The following CUX1 variants were observed in gnomAD, a reference collection of about 807,000 sequenced individuals.
CUX1 encodes the protein cut like homeobox 1.
CUX1 carries 31 observed loss-of-function variants against 158.8 expected under a neutral mutation model. The observed-to-expected ratio is 0.20, with a 90% CI of 0.15 to 0.26. The LOEUF (loss-of-function observed/expected upper bound fraction) is 0.26. CUX1 is among the 10% of genes least tolerant of loss of function. The probability of loss-of-function intolerance (pLI) is 1.00; values close to 1 mark genes in which losing one functional copy is unlikely to be tolerated. For missense variants in CUX1, 1,589 were observed against 2,014.6 expected, an observed-to-expected ratio of 0.79 and a Z score of 4.04; for synonymous variants, 879 against 862.1, an observed-to-expected ratio of 1.02 and a Z score of -0.34.
intron 9 of CUX1, among the ~76,000 whole-genome samples, chr7:102,165,182 C>G (rs1205838968): frequency 6.6e-6 from 1 of 152,058 alleles, no homozygotes; most frequent in African/African-American, 2.4e-5. Context: ...CAGGCTGCAG[C>G]TGGCCCAAGG....
At chr7:102,216,616 TCCCCACACACACAC>T (rs1223584497) in intron 20 of CUX1, among the ~76,000 whole-genome samples, 2 of 7,972 alleles carry the variant, frequency 2.5e-4, no homozygotes, top group Admixed American at 1.7e-3. Context: ...ACACACACAC[TCCCCACACACACAC>T]CCCCACACAC....
At chr7:102,091,107 A>G (rs1828541032) in intron 4 of CUX1, among the ~76,000 whole-genome samples, 1 of 152,196 alleles carries the variant, frequency 6.6e-6, no homozygotes, top group South Asian at 2.1e-4. Flanking sequence ...TAGATGATGG[A>G]AACATTTCCA....
chr7:101,839,962 A>G (rs1213748000), intron 1 of CUX1, among the ~76,000 whole-genome samples: 3 of 152,094 alleles, frequency 2.0e-5, no homozygotes, highest in African/African-American at 4.8e-5. Context: ...GGGTTTCACC[A>G]TGTTGGTCAG....
intron 11 of CUX1, chr7:102,188,450 C>G (rs528875448): frequency 4.6e-5 from 7 of 152,270 alleles, no homozygotes; most frequent in African/African-American, 7.2e-5. Flanking sequence ...GAAAGCACCC[C>G]CTACGACCAC....
At chr7:101,830,985 T>A (rs1444744761) in intron 1 of CUX1, among the ~76,000 whole-genome samples, 1 of 152,116 alleles carries the variant, frequency 6.6e-6, no homozygotes, top group Non-Finnish European at 1.5e-5. Flanking sequence ...CCATGGTACC[T>A]GATGACTCGA....
intron 2 of CUX1, among the ~76,000 whole-genome samples, chr7:101,919,404 A>C (rs1804621064): frequency 6.6e-6 from 1 of 152,150 alleles, no homozygotes; most frequent in South Asian, 2.1e-4. Flanking sequence ...CGTGGAGGTG[A>C]CGTCGGGTTG....
chr7:102,248,968 G>A lies in CUX1; in HGVS notation c.4444G>A (p.Ala1482Thr). ...RDNPLRKKKA[A>T]NLNSIIHRLE... ...CAACCCCCTGCGCAAGAAGAAGGCC[G>A]CGAACTTGAACAGCATCATCCACCG... Residue 1482 changes from alanine to threonine, a missense_variant, in exon 24 of 24, where the codon GCG (alanine) becomes ACG (threonine). Around this residue, in one of 8 missense-constraint regions of CUX1, gnomAD observed 344 missense variants for 323.7 expected, o/e 1.06. Coordinates refer to ENST00000292535, the MANE Select transcript of CUX1 (RefSeq NM_181552.4). The surrounding 1 kb of genome is among the most constrained non-coding windows in gnomAD (Gnocchi z 5.8). The A allele has an allele frequency of 1.4e-6, 2 of 1,477,084 alleles. No homozygotes were observed. The highest frequency in any genetic ancestry group is 9.0e-7 in the Non-Finnish European group (1 of 1,107,942). The allele number at this position is 1,477,084 out of a possible 1,614,324, so 91.5% of individuals were successfully genotyped here. A position where few individuals can be genotyped will look rare whatever the true frequency, so the allele number is the denominator to read the frequency against.
chr7:102,216,619 C>CCCA, intron 20 of CUX1, among the ~76,000 whole-genome samples: 1 of 73,982 alleles, frequency 1.4e-5, no homozygotes, highest in East Asian at 4.4e-4. Flanking sequence ...CACACACTCC[C>CCCA]CACACACACA....
intron 8 of CUX1, among the ~76,000 whole-genome samples, chr7:102,132,340 G>A (rs1390734982): frequency 7.9e-5 from 12 of 151,018 alleles, no homozygotes; most frequent in Admixed American, 4.6e-4. Context: ...ACGCACACAC[G>A]CATCTTTACA....
chr7:102,143,329 C>A (rs371073546), intron 8 of CUX1, among the ~76,000 whole-genome samples: 1 of 152,144 alleles, frequency 6.6e-6, no homozygotes, highest in Non-Finnish European at 1.5e-5. Flanking sequence ...AGCACAGAGG[C>A]GCGATCATAG....
intron 5 of CUX1, among the ~76,000 whole-genome samples, chr7:102,103,929 A>G (rs979148590): frequency 6.6e-6 from 1 of 152,172 alleles, no homozygotes; most frequent in Non-Finnish European, 1.5e-5. Flanking sequence ...ACACACTATT[A>G]TGAACTATTT....
chr7:102,076,889 C>G (rs1432166248), intron 4 of CUX1, among the ~76,000 whole-genome samples: 2 of 151,694 alleles, frequency 1.3e-5, no homozygotes, highest in African/African-American at 2.4e-5. Context: ...CAAAAGTTAG[C>G]TGGGCATGGT....
At chr7:102,028,057 T>C (rs1347321190) in intron 2 of CUX1, 41 bp from the exon 3 acceptor site, 3 of 1,610,166 alleles carry the variant, frequency 1.9e-6, no homozygotes, top group Non-Finnish European at 2.5e-6. Flanking sequence ...TTCTTTCTCC[T>C]TCTCAAATGG....
intron 2 of CUX1, among the ~76,000 whole-genome samples, chr7:101,991,214 CA>C (rs1815072755): frequency 6.6e-6 from 1 of 152,206 alleles, no homozygotes; most frequent in Non-Finnish European, 1.5e-5. Flanking sequence ...GCTGTCAAAA[CA>C]CAAGCAGTGT....
In CUX1 at chr7:102,181,359, C is replaced by T. The variant is rs1007465087; in HGVS notation, c.1017+2702C>T. 4.6e-5 allele frequency among the ~76,000 whole-genome samples: 7 copies of T among 152,126 alleles called. No homozygotes were observed. The East Asian group carries it at 1.2e-3, about 25-fold the overall frequency. ...CTCATGTTACAGCCATTTCTGACCC[C>T]AGCAACGGCATTATGATGAGATAAT... is the stretch of plus-strand genomic sequence containing the variant. On this transcript the variant is annotated intron_variant, in intron 11 of 23. Transcript: ENST00000292535.
At chr7:102,059,525 G>A (rs1252120333) in intron 3 of CUX1, among the ~76,000 whole-genome samples, 2 of 151,664 alleles carry the variant, frequency 1.3e-5, no homozygotes, top group Non-Finnish European at 2.9e-5. Context: ...CCAGCTACTC[G>A]GGAGGCTAAG....
rs782017685 is a variant in CUX1 at position 102,189,897 on chromosome 7, C to T, written c.1076+26C>T. The T allele has an allele frequency of 1.4e-5, 22 of 1,613,374 alleles. No individual in the cohort carries two copies. The East Asian group carries it at 3.8e-4, about 28-fold the overall frequency. Reference sequence around the variant, plus strand: ...GTAAGTACGGAGAGCCCTGTGGCCCCTCACACGCTGGGGCGCATTAGGGCC... The same window carrying T: ...GTAAGTACGGAGAGCCCTGTGGCCCTTCACACGCTGGGGCGCATTAGGGCC... On this transcript the variant is annotated intron_variant, in intron 12 of 23. Transcript: ENST00000292535.
chr7:101,904,487 C>T (rs991534634), intron 1 of CUX1, among the ~76,000 whole-genome samples: 2 of 151,778 alleles, frequency 1.3e-5, no homozygotes, highest in Non-Finnish European at 2.9e-5. Flanking sequence ...CTTGAATTTC[C>T]GTGATTGGGA....
chr7:102,112,560 T>C (rs929333783), intron 7 of CUX1, among the ~76,000 whole-genome samples: 1 of 126,494 alleles, frequency 7.9e-6, no homozygotes, highest in African/African-American at 3.4e-5. Flanking sequence ...TTTCTTTTTT[T>C]GTTTTGTTTT....
Sources: allele counts gnomAD v4.1 joint callset (sites outside exome capture counted in the v4.1 genomes callset), GRCh38; gene constraint gnomAD v4.1.1; regional missense constraint gnomAD v4.1.1; non-coding constraint Gnocchi (gnomAD v3.1); transcripts MANE v1.5; gene names NCBI Gene and HGNC (gene_info 2026-07-23, HGNC 2026-07-21).